The following SRPK2 variants were observed in gnomAD, a reference collection of about 807,000 sequenced individuals.
The protein encoded by SRPK2 is SRSF protein kinase 2, also known as SFRS protein kinase 2.
Under a neutral mutation model 90.8 loss-of-function variants are expected in SRPK2, and 21 were observed. That is an observed-to-expected ratio of 0.23 (90% CI 0.16 to 0.33). SRPK2 has a LOEUF of 0.33. SRPK2 is among the 10% of genes least tolerant of loss of function. The pLI is 1.00. For synonymous variants in SRPK2, 288 were observed against 311.1 expected, an observed-to-expected ratio of 0.93 and a Z score of 0.78; for missense variants, 620 against 869.0, an observed-to-expected ratio of 0.71 and a Z score of 3.60.
At chr7:105,344,997 G>A (rs566709801) in intron 2 of SRPK2, among the ~76,000 whole-genome samples, 9 of 152,056 alleles carry the variant, frequency 5.9e-5, no homozygotes, top group Non-Finnish European at 1.0e-4. Flanking sequence ...TTAGCTGGGG[G>A]TGATGGCAGC....
At chr7:105,204,730 T>G in intron 2 of SRPK2, 1 of 704,324 alleles carries the variant, frequency 1.4e-6, no homozygotes, top group Admixed American at 2.2e-5. Context: ...ACAAACATAT[T>G]GTGGTCTGGT....
At chr7:105,124,994 TG>T (rs1800966128) in intron 15 of SRPK2, among the ~76,000 whole-genome samples, 2 of 151,646 alleles carry the variant, frequency 1.3e-5, no homozygotes, top group Non-Finnish European at 2.9e-5. Flanking sequence ...TAGCTGGGCG[TG>T]GTGGTGTGCC....
intron 2 of SRPK2, among the ~76,000 whole-genome samples, chr7:105,220,635 C>G (rs986595930): frequency 6.6e-6 from 1 of 152,164 alleles, no homozygotes; most frequent in Non-Finnish European, 1.5e-5. Flanking sequence ...AAAACAAAGT[C>G]TTTCAATCAT....
intron 7 of SRPK2, among the ~76,000 whole-genome samples, chr7:105,150,494 C>T (rs922868921): frequency 6.6e-6 from 1 of 151,762 alleles, no homozygotes; most frequent in African/African-American, 2.4e-5. Context: ...CCAACCTAGG[C>T]GACAGAATAA....
chr7:105,195,804 A>G (rs533801763), intron 3 of SRPK2, among the ~76,000 whole-genome samples: 1 of 152,350 alleles, frequency 6.6e-6, no homozygotes, highest in Non-Finnish European at 1.5e-5. Flanking sequence ...CTTAGATGAA[A>G]AAAAAGATAT....
intron 2 of SRPK2, among the ~76,000 whole-genome samples, chr7:105,248,104 C>T (rs977989586): frequency 1.3e-5 from 2 of 152,140 alleles, no homozygotes; most frequent in Non-Finnish European, 2.9e-5. Flanking sequence ...CTGCCCGCCT[C>T]GGCCTCCCAA....
chr7:105,216,647 C>T (rs556107624), intron 2 of SRPK2, among the ~76,000 whole-genome samples: 30 of 100,002 alleles, frequency 3.0e-4, no homozygotes, highest in African/African-American at 7.4e-4. Context: ...AGAATGAGAC[C>T]CTGTCTCCAA....
intron 2 of SRPK2, chr7:105,205,001 A>C: frequency 4.0e-6 from 1 of 252,084 alleles, no homozygotes; most frequent in East Asian, 1.3e-4. Flanking sequence ...GTCAAAGCTC[A>C]CTCTTCAGCC....
At chr7:105,356,264 C>T (rs1380947542) in intron 2 of SRPK2, among the ~76,000 whole-genome samples, 1 of 152,062 alleles carries the variant, frequency 6.6e-6, no homozygotes, top group Non-Finnish European at 1.5e-5. Context: ...GGTGGGCTCT[C>T]CAACTGAAAA....
In SRPK2 at chr7:105,141,989, G is replaced by A; in HGVS notation, c.1543+19C>T. The A allele has an allele frequency of 6.3e-7, 1 of 1,588,682 alleles. No individual in the cohort carries two copies. Among genetic ancestry groups the A allele is most frequent in the Non-Finnish European group, 8.6e-7 (1 of 1,167,666 alleles). On this transcript the variant is annotated intron_variant, in intron 11 of 15. Coordinates refer to ENST00000393651, the MANE Select transcript of SRPK2 (RefSeq NM_182692.3). ...CTGGAGTCAGCGATGGCAGACAGTTGATGGGAAGAAACACTTACCTTTTGG... is the reference window on the plus strand; with the variant it reads ...CTGGAGTCAGCGATGGCAGACAGTTAATGGGAAGAAACACTTACCTTTTGG...
intron 2 of SRPK2, among the ~76,000 whole-genome samples, chr7:105,297,699 T>C (rs2131179696): frequency 6.6e-6 from 1 of 152,238 alleles, no homozygotes; most frequent in South Asian, 2.1e-4. Context: ...GTTACATTAA[T>C]TACTTTTGTT....
chr7:105,140,894 G>A (rs1408047609), intron 11 of SRPK2, among the ~76,000 whole-genome samples: 2 of 152,084 alleles, frequency 1.3e-5, no homozygotes, highest in African/African-American at 2.4e-5. Flanking sequence ...CCGGGAGGCA[G>A]AGGTTGCAGT....
intron 2 of SRPK2, among the ~76,000 whole-genome samples, chr7:105,264,279 C>T (rs775184522): frequency 2.0e-5 from 3 of 152,008 alleles, no homozygotes; most frequent in Non-Finnish European, 4.4e-5. Context: ...TTTTGCTCTC[C>T]GCATCCACAC....
chr7:105,380,263 C>G (rs956116207), intron 2 of SRPK2, among the ~76,000 whole-genome samples: 3 of 152,090 alleles, frequency 2.0e-5, no homozygotes, highest in Non-Finnish European at 4.4e-5. Context: ...TCTGGAATAG[C>G]TGGGACTACA....
intron 2 of SRPK2, among the ~76,000 whole-genome samples, chr7:105,211,712 C>A (rs1271558380): frequency 6.6e-6 from 1 of 152,192 alleles, no homozygotes; most frequent in African/African-American, 2.4e-5. Flanking sequence ...GATTACAATT[C>A]AACATTAGAT....
chr7:105,355,234 G>A (rs1395963438), intron 2 of SRPK2, among the ~76,000 whole-genome samples: 2 of 152,110 alleles, frequency 1.3e-5, no homozygotes, highest in African/African-American at 4.8e-5. Flanking sequence ...AGTGGCTAAC[G>A]CCTATAATCC....
intron 2 of SRPK2, among the ~76,000 whole-genome samples, chr7:105,289,441 T>C (rs1808649789): frequency 6.6e-6 from 1 of 152,168 alleles, no homozygotes; most frequent in African/African-American, 2.4e-5. Context: ...AATTTTTTGG[T>C]TTCCCAGTGC....
chr7:105,371,166 G>A (rs902395832), intron 2 of SRPK2, among the ~76,000 whole-genome samples: 6 of 151,444 alleles, frequency 4.0e-5, no homozygotes, highest in African/African-American at 1.5e-4. Context: ...CACTCTGGGA[G>A]CCCAAGGTGA....
intron 2 of SRPK2, among the ~76,000 whole-genome samples, chr7:105,315,292 C>T (rs921740552): frequency 6.6e-6 from 1 of 152,100 alleles, no homozygotes; most frequent in African/African-American, 2.4e-5. Context: ...CACACACATG[C>T]CACTAGCTAA....
Sources: gnomAD v4.1 joint callset for allele counts (sites outside exome capture counted in the v4.1 genomes callset) on GRCh38, gnomAD v4.1.1 for gene constraint, MANE v1.5 for transcripts, NCBI Gene and HGNC (gene_info 2026-07-23, HGNC 2026-07-21) for gene names.